Variants in MAP2 observed in about 807,000 individuals in gnomAD.
The protein encoded by MAP2 is microtubule-associated protein 2.
A neutral mutation model predicts 137.6 loss-of-function variants in MAP2; 14 were observed. The observed-to-expected ratio is 0.10, with a 90% confidence interval of 0.07 to 0.16. MAP2 has a LOEUF of 0.16. MAP2 is among the 10% of genes least tolerant of loss of function. MAP2 has a pLI of 1.00. For missense variants in MAP2, 2,088 were observed against 2,191.5 expected, an observed-to-expected ratio of 0.95 and a Z score of 0.94; for synonymous variants, 786 against 782.3, an observed-to-expected ratio of 1.00 and a Z score of -0.08.
At chr2:209,721,447 C>T (rs2070891668) in intron 13 of MAP2, among the ~76,000 whole-genome samples, 1 of 152,152 alleles carries the variant, frequency 6.6e-6, no homozygotes, top group Non-Finnish European at 1.5e-5. Flanking sequence ...GAAAGTCTAC[C>T]TGCAAGAGAG....
chr2:209,444,477 C>G (rs764676667), intron 1 of MAP2, among the ~76,000 whole-genome samples: 1 of 151,366 alleles, frequency 6.6e-6, no homozygotes, highest in Non-Finnish European at 1.5e-5. Context: ...CAATTAGATT[C>G]AGTAAGTCAG....
Position 209,450,954 on chromosome 2 carries a change from A to G in MAP2, c.-222+26678A>G, listed in dbSNP as rs188806961. On this transcript the variant is annotated intron_variant, in intron 1 of 15. Coordinates refer to ENST00000682079, the MANE Select transcript of MAP2 (RefSeq NM_001375505.1). The stretch of plus-strand genomic sequence containing the variant: ...TAGAATTTCTAATTCTATAATCATT[A>G]GATTTCTAAGTTATGAAATAATTTT... Among the ~76,000 whole-genome samples the G allele has an allele frequency of 7.3e-3, 1,108 of 150,954 alleles. 6 individuals are homozygous for G. Among genetic ancestry groups the G allele is most frequent in the Non-Finnish European group, 0.012 (787 of 68,016 alleles).
At chr2:209,563,610 C>T (rs2072705281) in intron 2 of MAP2, among the ~76,000 whole-genome samples, 1 of 152,140 alleles carries the variant, frequency 6.6e-6, no homozygotes, top group Non-Finnish European at 1.5e-5. Flanking sequence ...CAGACTAAAG[C>T]AACAGTGTGG....
At chr2:209,725,465 T>C (rs925479518) in intron 13 of MAP2, among the ~76,000 whole-genome samples, 1 of 152,228 alleles carries the variant, frequency 6.6e-6, no homozygotes, top group Non-Finnish European at 1.5e-5. Flanking sequence ...CATAATCTGC[T>C]TTCAACTAAT....
At chr2:209,657,577 T>C (rs954766837) in intron 5 of MAP2, among the ~76,000 whole-genome samples, 3 of 152,346 alleles carry the variant, frequency 2.0e-5, no homozygotes, top group African/African-American at 4.8e-5. Flanking sequence ...TTTGTGCATC[T>C]TCTTTTGAGA....
intron 2 of MAP2, among the ~76,000 whole-genome samples, chr2:209,523,087 T>C (rs1468585450): frequency 6.6e-6 from 1 of 152,120 alleles, no homozygotes; most frequent in Admixed American, 6.6e-5. Flanking sequence ...TTTCCTGCCA[T>C]CTCTCCTCCT....
chr2:209,523,507 C>T (rs982889035), intron 2 of MAP2, among the ~76,000 whole-genome samples: 4 of 152,114 alleles, frequency 2.6e-5, no homozygotes, highest in African/African-American at 4.8e-5. Flanking sequence ...CCTCAGCCTA[C>T]GTCTTCTGCA....
At chr2:209,435,998 T>TAATATATATAGTATATATTATATATA (rs1559159522) in intron 1 of MAP2, among the ~76,000 whole-genome samples, 3 of 88,806 alleles carry the variant, frequency 3.4e-5, no homozygotes, top group Admixed American at 1.2e-4. Context: ...TATTATATAC[T>TAATATATATAGTATATATTATATATA]ATATATACAG....
At chr2:209,664,276 A>G (rs1251210001) in intron 5 of MAP2, among the ~76,000 whole-genome samples, 1 of 152,248 alleles carries the variant, frequency 6.6e-6, no homozygotes, top group Non-Finnish European at 1.5e-5. Flanking sequence ...AGGGCTGGGC[A>G]TGGTGGCTTG....
intron 5 of MAP2, among the ~76,000 whole-genome samples, chr2:209,658,320 T>C (rs16843402): frequency 0.033 from 4,998 of 152,032 alleles, 265 homozygotes; most frequent in African/African-American, 0.11. Flanking sequence ...CCCTTAACAG[T>C]ATTATATCAA....
intron 2 of MAP2, among the ~76,000 whole-genome samples, chr2:209,529,361 A>G (rs940973922): frequency 1.3e-5 from 2 of 152,222 alleles, no homozygotes; most frequent in African/African-American, 4.8e-5. Context: ...GTCAATTAAC[A>G]TGAATAAGTA....
At chr2:209,551,546 C>T (rs761903320) in intron 2 of MAP2, among the ~76,000 whole-genome samples, 5 of 152,184 alleles carry the variant, frequency 3.3e-5, no homozygotes, top group East Asian at 1.9e-4. Flanking sequence ...ATTGTGATAA[C>T]TTCCTTTATA....
chr2:209,551,854 G>A (rs139812153), intron 2 of MAP2, among the ~76,000 whole-genome samples: 1 of 152,218 alleles, frequency 6.6e-6, no homozygotes, highest in Non-Finnish European at 1.5e-5. Flanking sequence ...TAATGATCTT[G>A]TGAAGTAGGG....
chr2:209,595,493 C>T (rs1015546847), intron 3 of MAP2, among the ~76,000 whole-genome samples: 1 of 152,178 alleles, frequency 6.6e-6, no homozygotes, highest in Non-Finnish European at 1.5e-5. Flanking sequence ...AACAGGAACA[C>T]TTTTACATTG....
chr2:209,465,636 C>T (rs1559196836), intron 1 of MAP2, among the ~76,000 whole-genome samples: 1 of 152,056 alleles, frequency 6.6e-6, no homozygotes, highest in Non-Finnish European at 1.5e-5. Context: ...ATACTTTCTC[C>T]ATTCTAGGAT....
chr2:209,454,510 A>G (rs1701080477), intron 1 of MAP2, among the ~76,000 whole-genome samples: 1 of 151,632 alleles, frequency 6.6e-6, no homozygotes, highest in South Asian at 2.1e-4. Flanking sequence ...TAGTTTTTGT[A>G]TTTTTTAGTA....
At chr2:209,600,497 G>C (rs897974831) in intron 3 of MAP2, among the ~76,000 whole-genome samples, 8 of 152,104 alleles carry the variant, frequency 5.3e-5, no homozygotes, top group Non-Finnish European at 1.0e-4. Context: ...GCCTGTTTCC[G>C]GGGCTGTCTA....
At chr2:209,657,468 T>C (rs2041498081) in intron 5 of MAP2, among the ~76,000 whole-genome samples, 1 of 152,218 alleles carries the variant, frequency 6.6e-6, no homozygotes, top group Admixed American at 6.5e-5. Context: ...ATAATGGCCA[T>C]TCTAACTGGT....
intron 2 of MAP2, among the ~76,000 whole-genome samples, chr2:209,530,470 G>A (rs2064945657): frequency 6.6e-6 from 1 of 152,162 alleles, no homozygotes; most frequent in Non-Finnish European, 1.5e-5. Context: ...AGAGGAGGAA[G>A]TACAGATTAT....
Sources: allele counts gnomAD v4.1 joint callset (sites outside exome capture counted in the v4.1 genomes callset), GRCh38; gene constraint gnomAD v4.1.1; transcripts MANE v1.5; gene names NCBI Gene and HGNC (gene_info 2026-07-23, HGNC 2026-07-21).